ATF7: variants seen among roughly 807,000 people sequenced by gnomAD.
The protein encoded by ATF7 is activating transcription factor 7.
A neutral mutation model predicts 50.4 loss-of-function variants in ATF7; 10 were observed. That is an observed-to-expected ratio of 0.20 (90% CI 0.12 to 0.34). The LOEUF is 0.34. Ranked by LOEUF, ATF7 falls within the 10% of genes least tolerant of loss-of-function variation. The pLI is 1.00. For missense variants in ATF7, 465 were observed against 613.9 expected, an observed-to-expected ratio of 0.76 and a Z score of 2.56; for synonymous variants, 201 against 226.4, an observed-to-expected ratio of 0.89 and a Z score of 1.01.
intron 3 of ATF7, among the ~76,000 whole-genome samples, chr12:53,550,384 T>A (rs1476329188): frequency 6.7e-6 from 1 of 148,300 alleles, no homozygotes; most frequent in African/African-American, 2.5e-5. Context: ...TATAAATAAA[T>A]AAAGAGAAAA....
At chr12:53,527,677 G>T (rs2137355292) in intron 9 of ATF7, among the ~76,000 whole-genome samples, 1 of 151,772 alleles carries the variant, frequency 6.6e-6, no homozygotes, top group East Asian at 2.0e-4. Flanking sequence ...CTGGCTACTT[G>T]GGAGGTGGAG....
At chr12:53,589,922 C>T (rs1230133531) in intron 2 of ATF7, among the ~76,000 whole-genome samples, 2 of 152,070 alleles carry the variant, frequency 1.3e-5, no homozygotes, top group East Asian at 3.8e-4. Flanking sequence ...CAAGTAGTTT[C>T]TTTTTTTATT....
In ATF7 at chr12:53,621,652, G is replaced by A. The variant is rs140774529; in HGVS notation, c.-22+4627C>T. ...CAAAAAAAAAAAATTAGTTGGGTGT[G>A]GTGGTGCAGGCCTGTAATCCCAACT... On this transcript the variant is annotated intron_variant, in intron 1 of 11. Transcript: ENST00000420353. Among the ~76,000 whole-genome samples, 628 of 151,762 alleles carry A rather than the reference G, an allele frequency of 4.1e-3. 3 individuals carry two copies. Among genetic ancestry groups the A allele is most frequent in the South Asian group, 0.012 (56 of 4,798 alleles).
intron 9 of ATF7, among the ~76,000 whole-genome samples, chr12:53,528,492 G>A (rs924483940): frequency 1.3e-5 from 2 of 152,130 alleles, no homozygotes; most frequent in African/African-American, 4.8e-5. Context: ...GCTGGGTGTG[G>A]TGGCTCACGC....
intron 3 of ATF7, among the ~76,000 whole-genome samples, chr12:53,548,533 A>G (rs1940100272): frequency 6.6e-6 from 1 of 151,092 alleles, no homozygotes; most frequent in African/African-American, 2.4e-5. Flanking sequence ...GGGTCTTGCT[A>G]CGTTGCCCAG....
intron 1 of ATF7, among the ~76,000 whole-genome samples, chr12:53,607,922 G>C (rs1165662331): frequency 6.6e-6 from 1 of 152,020 alleles, no homozygotes; most frequent in Non-Finnish European, 1.5e-5. Context: ...ATGCATGATT[G>C]AAAAAAGTCT....
At chr12:53,608,694 TATG>T (rs1397598784) in intron 1 of ATF7, among the ~76,000 whole-genome samples, 3 of 152,336 alleles carry the variant, frequency 2.0e-5, no homozygotes, top group Non-Finnish European at 4.4e-5. Flanking sequence ...TCTATTTCTT[TATG>T]ATAATAAAAA....
intron 2 of ATF7, among the ~76,000 whole-genome samples, chr12:53,567,822 A>T (rs961168792): frequency 2.6e-5 from 4 of 152,232 alleles, no homozygotes; most frequent in Non-Finnish European, 5.9e-5. Flanking sequence ...AAGCAAGAAA[A>T]GGTTATTTTA....
rs1263350508 is a variant in ATF7 at position 53,512,787 on chromosome 12, T to C, written c.*4350A>G. On this transcript the variant is annotated 3_prime_UTR_variant, in exon 12 of 12. Transcript: ENST00000420353. Reference sequence around the variant, plus strand: ...GAAGAGACTGAAAGAAATGAAAGCATGTTAGTGCAAAGGCAAAAGATGTAT... The same window carrying C: ...GAAGAGACTGAAAGAAATGAAAGCACGTTAGTGCAAAGGCAAAAGATGTAT... 1 of 152,196 alleles carries C rather than the reference T, an allele frequency of 6.6e-6. No homozygotes were observed. Among genetic ancestry groups the C allele is most frequent in the Non-Finnish European group, 1.5e-5 (1 of 68,038 alleles). The allele number at this position is 152,196 out of a possible 1,614,324, so 9.4% of individuals were successfully genotyped here. A position where few individuals can be genotyped will look rare whatever the true frequency, so the allele number is the denominator to read the frequency against.
At chr12:53,521,127 G>A (rs2137324949) in intron 11 of ATF7, among the ~76,000 whole-genome samples, 1 of 152,148 alleles carries the variant, frequency 6.6e-6, no homozygotes, top group African/African-American at 2.4e-5. Flanking sequence ...CAAGTAGCTG[G>A]GATTACAGGC....
intron 1 of ATF7, among the ~76,000 whole-genome samples, chr12:53,607,538 C>T (rs1410931935): frequency 1.3e-5 from 2 of 151,446 alleles, no homozygotes; most frequent in Non-Finnish European, 2.9e-5. Context: ...GGAATTTAAA[C>T]AAGAATGGAT....
At chr12:53,571,225 C>G (rs948863864) in intron 2 of ATF7, among the ~76,000 whole-genome samples, 5 of 151,948 alleles carry the variant, frequency 3.3e-5, no homozygotes, top group African/African-American at 9.7e-5. Flanking sequence ...GGAAAGGATT[C>G]TCCTGGAGAG....
At chr12:53,533,129 T>A (rs758168461) in intron 7 of ATF7, 31 bp downstream of exon 7, 2 of 1,545,180 alleles carry the variant, frequency 1.3e-6, no homozygotes, top group African/African-American at 2.7e-5. Context: ...ACCATGTTGG[T>A]AGGGTTGGCT....
chr12:53,623,734 T>G (rs1400199035), intron 1 of ATF7, among the ~76,000 whole-genome samples: 1 of 152,170 alleles, frequency 6.6e-6, no homozygotes, highest in Admixed American at 6.5e-5. Flanking sequence ...GGTCTTGACA[T>G]GCACAAAACA....
chr12:53,529,734 C>CACACACACACACACACACACACATAT (rs1298379846), intron 9 of ATF7, among the ~76,000 whole-genome samples: 13 of 143,528 alleles, frequency 9.1e-5, no homozygotes, highest in African/African-American at 2.4e-4. Flanking sequence ...CACACACACA[C>CACACACACACACACACACACACATAT]ATATATATAT....
intron 1 of ATF7, among the ~76,000 whole-genome samples, chr12:53,603,414 G>A (rs1402785484): frequency 6.6e-6 from 1 of 152,084 alleles, no homozygotes; most frequent in Admixed American, 6.6e-5. Context: ...AAAATTTGGG[G>A]GGAAAAAGCA....
At chr12:53,517,490 T>G in intron 11 of ATF7, 136 bp from the exon 12 acceptor site, 1 of 835,000 alleles carries the variant, frequency 1.2e-6, no homozygotes. Context: ...TGGGGAAAAC[T>G]TCCCAGAATC....
At chr12:53,582,602 G>A (rs957944348) in intron 2 of ATF7, among the ~76,000 whole-genome samples, 8 of 151,988 alleles carry the variant, frequency 5.3e-5, no homozygotes, top group South Asian at 2.1e-4. Context: ...ATTTTGAGAC[G>A]GAGTCTCGTT....
At chr12:53,597,808 C>CAAAA (rs370329144) in intron 2 of ATF7, among the ~76,000 whole-genome samples, 1,090 of 80,770 alleles carry the variant, frequency 0.013, 18 homozygotes, top group South Asian at 0.053. Flanking sequence ...AACTCTGTCT[C>CAAAA]AAAAAAAAAA....
Sources: gnomAD v4.1 joint callset for allele counts (sites outside exome capture counted in the v4.1 genomes callset) on GRCh38, gnomAD v4.1.1 for gene constraint, MANE v1.5 for transcripts, NCBI Gene and HGNC (gene_info 2026-07-23, HGNC 2026-07-21) for gene names.